Variants in ASCC1 observed in about 807,000 individuals in gnomAD.
ASCC1 encodes ASC-1 complex subunit P50.
In ASCC1, 35 loss-of-function variants were observed where a neutral mutation model predicts 46.6. That is an observed-to-expected ratio of 0.75 (90% CI 0.57 to 0.99). The LOEUF is 0.99. ASCC1 is among the 50% of genes least tolerant of loss of function. ASCC1 has a pLI of 0.00. For synonymous variants in ASCC1, 143 were observed against 146.6 expected, an observed-to-expected ratio of 0.98 and a Z score of 0.18; for missense variants, 376 against 428.7, an observed-to-expected ratio of 0.88 and a Z score of 1.09.
chr10:72,126,748 A>G (rs943223374), intron 9 of ASCC1, among the ~76,000 whole-genome samples: 1 of 152,228 alleles, frequency 6.6e-6, no homozygotes, highest in African/African-American at 2.4e-5. Context: ...GAAGGGAGAT[A>G]AAGGAGGAGA....
chr10:72,102,290 A>G, intron 9 of ASCC1: 1 of 1,522,436 alleles, frequency 6.6e-7, no homozygotes. Context: ...CATGGGGAAA[A>G]CAACAAGTTC....
chr10:72,172,072 G>A (rs112616910), intron 5 of ASCC1, among the ~76,000 whole-genome samples: 28 of 152,240 alleles, frequency 1.8e-4, no homozygotes, highest in African/African-American at 5.3e-4. Context: ...GTTCTGTATC[G>A]TCTTCTGATG....
chr10:72,204,465 T>C, intron 3 of ASCC1: 1 of 1,550,474 alleles, frequency 6.4e-7, no homozygotes, highest in Non-Finnish European at 8.7e-7. Context: ...AAAGTTATCT[T>C]CTGGAACCCA....
At chr10:72,131,439 T>TACACACACACACACACACACACACAC (rs71927487) in intron 8 of ASCC1, among the ~76,000 whole-genome samples, 2 of 139,324 alleles carry the variant, frequency 1.4e-5, no homozygotes, top group African/African-American at 5.5e-5. Flanking sequence ...AAAATAAAAA[T>TACACACACACACACACACACACACAC]ACACACACAC....
Position 72,128,135 on chromosome 10 carries a change from C to T in ASCC1, c.904G>A (p.Gly302Ser), listed in dbSNP as rs201646011. The T allele has an allele frequency of 1.2e-5, 20 of 1,613,908 alleles. No homozygotes were observed. In the East Asian group the frequency reaches 4.0e-4, roughly 32 times the overall value. ...EGRYNLYTAE[G>S]KYIFKERESF... ...TCTCTTTCCTTGAAGATATATTTGCCTTCCGCTGTGTAGAGATTGTACCTG... is the reference window on the plus strand; with the variant it reads ...TCTCTTTCCTTGAAGATATATTTGCTTTCCGCTGTGTAGAGATTGTACCTG... The change falls in exon 9 of 10, where the codon GGC becomes AGC. Residue 302 changes from glycine (G) to serine (S), a missense_variant. Physicochemically the swap from Gly to Ser is moderately conservative, Grantham distance 56. Transcript: ENST00000672957.
chr10:72,193,096 A>G (rs1430816412), intron 5 of ASCC1, among the ~76,000 whole-genome samples: 2 of 152,204 alleles, frequency 1.3e-5, no homozygotes, highest in African/African-American at 2.4e-5. Context: ...AAAGTTAAAT[A>G]TACACCTACC....
At chr10:72,193,927 C>T (rs1854953509) in intron 5 of ASCC1, among the ~76,000 whole-genome samples, 2 of 151,622 alleles carry the variant, frequency 1.3e-5, no homozygotes, top group Admixed American at 6.6e-5. Context: ...CTCCACCTCC[C>T]GGATTCACGT....
rs1475931343 is a variant in ASCC1 at position 72,110,306 on chromosome 10, A to T, written c.958-12856T>A. On this transcript the variant is annotated intron_variant, in intron 9 of 9. Transcript: ENST00000672957. ...CAAGTCAGCAGAAATGAATCCTTAG[A>T]GGGGAGTACACAGGGGACAGCAACA... Among the ~76,000 whole-genome samples the T allele has an allele frequency of 2.0e-5, 3 of 152,192 alleles. No individual in the cohort carries two copies. In the East Asian group the frequency reaches 5.8e-4, roughly 29 times the overall value.
chr10:72,141,004 ACCAAGTATAC>A, intron 7 of ASCC1, among the ~76,000 whole-genome samples: 1 of 152,182 alleles, frequency 6.6e-6, no homozygotes. Context: ...CCTGGAGCTG[ACCAAGTATAC>A]CAAGTATAAC....
intron 9 of ASCC1, among the ~76,000 whole-genome samples, chr10:72,118,376 AAAAAG>A (rs1208519598): frequency 2.0e-5 from 3 of 151,956 alleles, no homozygotes; most frequent in African/African-American, 7.2e-5. Context: ...CAAAAAAAAA[AAAAAG>A]AAAAGAAATA....
intron 9 of ASCC1, among the ~76,000 whole-genome samples, chr10:72,115,124 G>T (rs555572546): frequency 6.6e-6 from 1 of 152,332 alleles, no homozygotes; most frequent in East Asian, 1.9e-4. Context: ...CCTGCTTTAA[G>T]AGTTTATTAT....
At chr10:72,181,746 C>T (rs192955294) in intron 5 of ASCC1, among the ~76,000 whole-genome samples, 2 of 152,060 alleles carry the variant, frequency 1.3e-5, no homozygotes, top group Admixed American at 6.5e-5. Context: ...AGTGCAGTGG[C>T]ACCATCTCAG....
At chr10:72,140,332 G>A (rs1186978429) in intron 7 of ASCC1, among the ~76,000 whole-genome samples, 1 of 152,074 alleles carries the variant, frequency 6.6e-6, no homozygotes, top group Non-Finnish European at 1.5e-5. Flanking sequence ...GCAGGCTGGG[G>A]CCCAGGGCAG....
chr10:72,184,393 C>T (rs749357567), intron 5 of ASCC1, among the ~76,000 whole-genome samples: 1 of 151,970 alleles, frequency 6.6e-6, no homozygotes, highest in Non-Finnish European at 1.5e-5. Flanking sequence ...GAAACAATAC[C>T]TAACTATATG....
intron 5 of ASCC1, among the ~76,000 whole-genome samples, chr10:72,192,111 A>G (rs1854605114): frequency 6.6e-6 from 1 of 152,206 alleles, no homozygotes; most frequent in Non-Finnish European, 1.5e-5. Flanking sequence ...CATATCCTCA[A>G]AAGGACTTGT....
In ASCC1 at chr10:72,155,775, CTTG is replaced by C. The variant is rs533999071; in HGVS notation, c.627-2790_627-2788del. 4.4e-3 allele frequency among the ~76,000 whole-genome samples: 669 copies of C among 152,278 alleles called. 2 individuals carry two copies. The highest frequency in any genetic ancestry group is 7.0e-3 in the Non-Finnish European group (476 of 68,024). ...AACTTGTACTGCAACCAGAAAAGGCCTTGTTGTGCCATGCTGAAACCCAATTAA... is the reference window on the plus strand; with the variant it reads ...AACTTGTACTGCAACCAGAAAAGGCCTTGTGCCATGCTGAAACCCAATTAA... On this transcript the variant is annotated intron_variant, in intron 6 of 9. Transcript: ENST00000672957.
chr10:72,187,554 A>G (rs1211940575), intron 5 of ASCC1, among the ~76,000 whole-genome samples: 1 of 149,894 alleles, frequency 6.7e-6, no homozygotes, highest in Admixed American at 6.6e-5. Flanking sequence ...CCCTGTCTCT[A>G]CTAAAAATAC....
intron 5 of ASCC1, among the ~76,000 whole-genome samples, chr10:72,172,692 AATATATAAT>A (rs1335281062): frequency 7.6e-6 from 1 of 132,144 alleles, no homozygotes; most frequent in African/African-American, 3.2e-5. Flanking sequence ...TTCCTCTAAA[AATATATAAT>A]ATATATATTA....
At chr10:72,189,805 A>AAAG (rs1854126311) in intron 5 of ASCC1, 3 of 229,694 alleles carry the variant, frequency 1.3e-5, no homozygotes, top group African/African-American at 6.8e-5. Context: ...TCCATCTCAA[A>AAAG]AAAAAAAAAA....
Sources: allele counts gnomAD v4.1 joint callset (sites outside exome capture counted in the v4.1 genomes callset), GRCh38; gene constraint gnomAD v4.1.1; transcripts MANE v1.5; gene names NCBI Gene and HGNC (gene_info 2026-07-23, HGNC 2026-07-21).